Variants in ADAMTS7 observed in about 807,000 individuals in gnomAD.
ADAMTS7 encodes the protein ADAM metallopeptidase with thrombospondin type 1 motif 7, also known as A disintegrin and metalloproteinase with thrombospondin motifs 7.
ADAMTS7 carries 89 observed loss-of-function variants against 172.6 expected under a neutral mutation model. The observed-to-expected ratio is 0.52, with a 90% CI of 0.43 to 0.61. The LOEUF (loss-of-function observed/expected upper bound fraction) is 0.61. ADAMTS7 is among the 20% of genes least tolerant of loss of function. The pLI is 0.00. For synonymous variants in ADAMTS7, 885 were observed against 978.4 expected (o/e 0.90, Z 1.78); for missense variants, 1,973 against 2,355.6 (o/e 0.84, Z 3.36).
In ADAMTS7 at chr15:78,771,068, G is replaced by A. The variant is rs551050592; in HGVS notation, c.2518+94C>T. The A allele has an allele frequency of 1.7e-4, 248 of 1,450,354 alleles. No individual in the cohort carries two copies. The highest frequency in any genetic ancestry group is 5.1e-4 in the Middle Eastern group (2 of 3,936). 89.8% of individuals were successfully genotyped at this position (1,450,354 alleles called of 1,614,324 possible). On this transcript the variant is annotated intron_variant, in intron 16 of 23. Transcript: ENST00000388820. This position sits in a 1 kb window ranked among gnomAD's most constrained non-coding sequence, Gnocchi z 4.9. Reference sequence around the variant, plus strand: ...CTCAGAGAAGCAAACTTCCAAACCCGTGGTGGCCCAGCAGTGAGCTGGGAG... The same window carrying A: ...CTCAGAGAAGCAAACTTCCAAACCCATGGTGGCCCAGCAGTGAGCTGGGAG...
chr15:78,796,718 T>G lies in ADAMTS7; in HGVS notation c.691A>C (p.Arg231=), dbSNP rs747849125. The part of the protein sequence containing the change: ...QRQQWRRPRL[R]RLHQRSVSKE... ...CTGACCGACCGCTGGTGTAGACGCCTCAGCCGTGGCCGCCGCCACTGCTGC... is the reference window on the plus strand; with the variant it reads ...CTGACCGACCGCTGGTGTAGACGCCGCAGCCGTGGCCGCCGCCACTGCTGC... The change falls in exon 4 of 24, where the codon AGG becomes CGG. Residue 231 remains arginine, a synonymous_variant. Coordinates refer to ENST00000388820, the MANE Select transcript of ADAMTS7 (RefSeq NM_014272.5). 63 of 1,612,692 alleles carry G rather than the reference T, an allele frequency of 3.9e-5. No individual in the cohort carries two copies. Among genetic ancestry groups the G allele is most frequent in the Non-Finnish European group, 5.0e-5 (59 of 1,179,876 alleles).
intron 2 of ADAMTS7, among the ~76,000 whole-genome samples, chr15:78,799,063 G>T: frequency 6.6e-6 from 1 of 151,026 alleles, no homozygotes; most frequent in Non-Finnish European, 1.5e-5. Flanking sequence ...TGTGGCACAG[G>T]CTCAACAAGA....
chr15:78,787,082 CA>C (rs1444416867), intron 8 of ADAMTS7, among the ~76,000 whole-genome samples: 1 of 152,056 alleles, frequency 6.6e-6, no homozygotes, highest in Non-Finnish European at 1.5e-5. Flanking sequence ...ATACAACATA[CA>C]AAATATGTGT....
chr15:78,774,637 G>A lies in ADAMTS7; in HGVS notation c.1863C>T (p.Pro621=), dbSNP rs750389171. Residue 621 remains proline (P), a synonymous_variant, in exon 12 of 24, where the codon CCC becomes CCT. Coordinates refer to ENST00000388820, the MANE Select transcript of ADAMTS7 (RefSeq NM_014272.5). The stretch of plus-strand genomic sequence containing the variant: ...GGCAGCACTCACCGTCATTGACCAC[G>A]GGCACCCATGTGTGCAGCTGGCCCT... ...LYKGQLHTWV[P]VVNDVNPCEL... 67 of 1,611,588 alleles carry A rather than the reference G, an allele frequency of 4.2e-5. No homozygotes were observed. The highest frequency in any genetic ancestry group is 2.9e-4 in the East Asian group (13 of 44,890).
In ADAMTS7 at chr15:78,771,216, C is replaced by T. The variant is rs752014823; in HGVS notation, c.2464G>A (p.Val822Met). 1.1e-5 allele frequency: 18 copies of T among 1,611,654 alleles called. No individual in the cohort carries two copies. Among genetic ancestry groups the T allele is most frequent in the Admixed American group, 5.0e-5 (3 of 59,932 alleles). Residue 822 changes from valine (V) to methionine (M), a missense_variant, in exon 16 of 24, where the codon GTG (valine) becomes ATG (methionine). Physicochemically the swap from Val to Met is conservative, Grantham distance 21. Transcript: ENST00000388820. This position sits in a 1 kb window ranked among gnomAD's most constrained non-coding sequence, Gnocchi z 4.9. ...AGGHDEVPPPVFSWHYGPWTK... is the reference protein window; with the variant it reads ...AGGHDEVPPPMFSWHYGPWTK... ...CAGGGCCCATAATGCCAGGAGAACA[C>T]GGGCGGCGGGACCTCGTCGTGGCCA...
Position 78,763,988 on chromosome 15 carries a change from G to T in ADAMTS7, c.4531C>A (p.Pro1511Thr). ...FHCQPGPAKP[P>T]AHRPCGAQPC... Reference sequence around the variant, plus strand: ...TGGGCCCCGCAGGGCCGGTGCGCAGGCGGCTTGGCAGGCCCGGGCTGACAA... The same window carrying T: ...TGGGCCCCGCAGGGCCGGTGCGCAGTCGGCTTGGCAGGCCCGGGCTGACAA... Residue 1511 changes from proline (P) to threonine (T), a missense_variant, in exon 21 of 24, where the codon CCT (proline) becomes ACT (threonine). Coordinates refer to ENST00000388820, the MANE Select transcript of ADAMTS7 (RefSeq NM_014272.5). The T allele has an allele frequency of 6.5e-7, 1 of 1,545,986 alleles. No homozygotes were observed. Among genetic ancestry groups the T allele is most frequent in the Non-Finnish European group, 8.7e-7 (1 of 1,145,030 alleles).
At position 78,771,846 on chromosome 15, in the gene ADAMTS7, G is replaced by A. The variant is rs1197442678; in HGVS notation, c.2132-17C>T. The stretch of plus-strand genomic sequence containing the variant: ...CCACATACCCTGTCAGCCAAGGGTT[G>A]TGCATAGGTTGTGCCCAGGGTGAGA... On this transcript the variant is annotated splice_polypyrimidine_tract_variant and intron_variant, in intron 14 of 23. Transcript: ENST00000388820. The surrounding 1 kb of genome is among the most constrained non-coding windows in gnomAD (Gnocchi z 4.9). 6.2e-7 allele frequency: 1 copy of A among 1,605,322 alleles called. No individual in the cohort carries two copies. Among genetic ancestry groups the A allele is most frequent in the Non-Finnish European group, 8.5e-7 (1 of 1,178,246 alleles).
chr15:78,810,266 C>T (rs2055847154), intron 1 of ADAMTS7, among the ~76,000 whole-genome samples: 1 of 152,244 alleles, frequency 6.6e-6, no homozygotes. Flanking sequence ...GCCTGCCGGT[C>T]GGCTCTATTG....
At chr15:78,764,423 G>T in intron 20 of ADAMTS7, 132 bp downstream of exon 20, 1 of 1,223,196 alleles carries the variant, frequency 8.2e-7, no homozygotes, top group Non-Finnish European at 1.1e-6. Context: ...TTCAGAATCC[G>T]GTGTGATCGG....
chr15:78,791,112 G>A lies in ADAMTS7; in HGVS notation c.903+28C>T, dbSNP rs1394595762. On this transcript the variant is annotated intron_variant, in intron 5 of 23. Coordinates refer to ENST00000388820, the MANE Select transcript of ADAMTS7 (RefSeq NM_014272.5). Reference sequence around the variant, plus strand: ...GCTCTGGCAGCCGAAGCCATTGCCGGGCAGCGTGGGACCACATGACCACTC... The same window carrying A: ...GCTCTGGCAGCCGAAGCCATTGCCGAGCAGCGTGGGACCACATGACCACTC... 7 of 1,604,822 alleles carry A rather than the reference G, an allele frequency of 4.4e-6. No individual in the cohort carries two copies. The South Asian group carries it at 5.6e-5, about 13-fold the overall frequency.
In ADAMTS7 at chr15:78,766,793, T is replaced by C; in HGVS notation, c.3118A>G (p.Thr1040Ala). 6.2e-7 allele frequency: 1 copy of C among 1,610,618 alleles called. No homozygotes were observed. Residue 1040 changes from threonine (T) to alanine (A), a missense_variant, in exon 19 of 24, where the codon ACC (threonine) becomes GCC (alanine). Around this residue, in one of 8 missense-constraint regions of ADAMTS7, gnomAD observed 771 missense variants for 952.6 expected, o/e 0.81. Transcript: ENST00000388820. ...PSPASSPKPG[T>A]MGNAIEEEAP... ...TCCTCCTCAATGGCGTTGCCCATGGTGCCTGGCTTGGGTGATGAGGCGGGT... is the reference window on the plus strand; with the variant it reads ...TCCTCCTCAATGGCGTTGCCCATGGCGCCTGGCTTGGGTGATGAGGCGGGT...
In ADAMTS7 at chr15:78,767,465, C is replaced by G; in HGVS notation, c.2773G>C (p.Glu925Gln). 3.1e-6 allele frequency: 5 copies of G among 1,611,636 alleles called. No homozygotes were observed. The highest frequency in any genetic ancestry group is 4.2e-6 in the Non-Finnish European group (5 of 1,179,766). ...EQSALEPPAC[E>Q]HLPRPPTETP... ...TCAGTAGGGGGCCGGGGAAGGTGTT[C>G]ACAGGCGGGTGGCTCCAGGGCGCTC... The change falls in exon 18 of 24, where the codon GAA becomes CAA. Residue 925 changes from glutamate to glutamine, a missense_variant. Transcript: ENST00000388820.
At chr15:78,798,999 C>T (rs2141521033) in intron 2 of ADAMTS7, among the ~76,000 whole-genome samples, 1 of 151,992 alleles carries the variant, frequency 6.6e-6, no homozygotes, top group Middle Eastern at 3.4e-3. Context: ...GCAAGTTCCC[C>T]TCTGAGCCTG....
At chr15:78,762,084 G>A (rs2055053995) in intron 23 of ADAMTS7, 2 of 985,120 alleles carry the variant, frequency 2.0e-6, no homozygotes, top group Non-Finnish European at 2.4e-6. Flanking sequence ...GGAAGACTGA[G>A]ACCTAGAGGA....
chr15:78,782,575 G>T (rs925074114), intron 8 of ADAMTS7, among the ~76,000 whole-genome samples: 34 of 152,142 alleles, frequency 2.2e-4, no homozygotes, highest in African/African-American at 7.5e-4. Context: ...AATAAACAAG[G>T]CATAAATCCA....
At chr15:78,775,018 G>A (rs780081560) in intron 11 of ADAMTS7, among the ~76,000 whole-genome samples, 31 of 152,214 alleles carry the variant, frequency 2.0e-4, no homozygotes, top group Admixed American at 1.6e-3. Flanking sequence ...CCTGAGCTCT[G>A]CCCCCAACCT....
chr15:78,763,639 C>T, intron 22 of ADAMTS7, 60 bp downstream of exon 22: 2 of 1,497,790 alleles, frequency 1.3e-6, no homozygotes, highest in Non-Finnish European at 1.8e-6. Flanking sequence ...TCACCCAACC[C>T]AAGACTGACC....
rs745739268 is a variant in ADAMTS7 at position 78,771,456 on chromosome 15, G to A, written c.2376+129C>T. 1.3e-6 allele frequency: 2 copies of A among 1,532,750 alleles called. No homozygotes were observed. Among genetic ancestry groups the A allele is most frequent in the South Asian group, 2.4e-5 (2 of 84,430 alleles). The allele number at this position is 1,532,750 out of a possible 1,614,324, so 94.9% of individuals were successfully genotyped here. ...CTGAGGTAGAGGCCGCAGCAGGAGG[G>A]CCTGGCTCAGAGCCAGGCTCTGTGA... On this transcript the variant is annotated intron_variant, in intron 15 of 23. Transcript: ENST00000388820. This position sits in a 1 kb window ranked among gnomAD's most constrained non-coding sequence, Gnocchi z 4.9.
intron 1 of ADAMTS7, among the ~76,000 whole-genome samples, chr15:78,806,959 G>A (rs2055805311): frequency 6.6e-6 from 1 of 152,128 alleles, no homozygotes; most frequent in Admixed American, 6.5e-5. Flanking sequence ...TAGAGGTAGA[G>A]TTTCGCCATG....
Sources: gnomAD v4.1 joint callset for allele counts (sites outside exome capture counted in the v4.1 genomes callset) on GRCh38, gnomAD v4.1.1 for gene constraint, gnomAD v4.1.1 regional missense constraint, Gnocchi (gnomAD v3.1) non-coding constraint, MANE v1.5 for transcripts, NCBI Gene and HGNC (gene_info 2026-07-23, HGNC 2026-07-21) for gene names.